The following UBE2E2 variants were observed in gnomAD, a reference collection of about 807,000 sequenced individuals.
UBE2E2 encodes the protein ubiquitin conjugating enzyme E2 E2.
A neutral mutation model predicts 24.7 loss-of-function variants in UBE2E2; 6 were observed. The ratio of observed to expected loss-of-function variants is 0.24; its 90% CI spans 0.13 to 0.48. The LOEUF (loss-of-function observed/expected upper bound fraction) is 0.48. Among genes scored for constraint, UBE2E2 ranks in the 20% least tolerant of loss-of-function variants. The pLI, the probability that UBE2E2 is intolerant of heterozygous loss-of-function variation, is 0.99. For synonymous variants in UBE2E2, 104 were observed against 83.6 expected (o/e 1.24, Z -1.33); for missense variants, 169 against 245.0 (o/e 0.69, Z 2.07).
Position 23,208,734 on chromosome 3 carries a change from C to T in UBE2E2, c.35C>T (p.Pro12Leu), listed in dbSNP as rs1696224967. The T allele has an allele frequency of 1.2e-6, 2 of 1,612,608 alleles. No homozygotes were observed. The highest frequency in any genetic ancestry group is 1.7e-6 in the Non-Finnish European group (2 of 1,179,430). ...STEAQRVDDS[P>L]STSGGSSDGD... ...GAGGCACAAAGAGTTGATGACAGTCCAAGCACTAGTGGAGGAAGTTCCGAT... is the reference window on the plus strand; with the variant it reads ...GAGGCACAAAGAGTTGATGACAGTCTAAGCACTAGTGGAGGAAGTTCCGAT... Residue 12 changes from proline to leucine, a missense_variant, in exon 2 of 6, where the codon CCA becomes CTA. Pro to Leu is a moderately conservative substitution (Grantham distance 98, BLOSUM62 -3). Transcript: ENST00000396703.
chr3:23,523,174 TAA>T lies in UBE2E2; in HGVS notation c.361-9378_361-9377del, dbSNP rs1694907975. ...ACATTCTATATAAACTGAATTTTTA[TAA>T]ATTGCAAAAGAAGGAATCTGTTTGC... is the stretch of plus-strand genomic sequence containing the variant. On this transcript the variant is annotated intron_variant, in intron 4 of 5. Transcript: ENST00000396703. Among the ~76,000 whole-genome samples the T allele has an allele frequency of 2.0e-5, 3 of 152,364 alleles. No homozygotes were observed. The East Asian group carries it at 5.8e-4, about 29-fold the overall frequency.
intron 5 of UBE2E2, among the ~76,000 whole-genome samples, chr3:23,578,705 T>C (rs1696400808): frequency 6.6e-6 from 1 of 152,128 alleles, no homozygotes; most frequent in African/African-American, 2.4e-5. Context: ...TGTTCTCACT[T>C]ATAAATGGGA....
intron 3 of UBE2E2, among the ~76,000 whole-genome samples, chr3:23,233,862 A>G (rs1327597845): frequency 3.3e-5 from 5 of 152,166 alleles, no homozygotes; most frequent in Non-Finnish European, 7.4e-5. Context: ...TGAATCACAG[A>G]TGGTATTTTG....
At position 23,208,924 on chromosome 3, in the gene UBE2E2, T is replaced by G. The variant is rs749087917; in HGVS notation, c.176+49T>G. 7.4e-6 allele frequency: 11 copies of G among 1,490,382 alleles called. 1 individual carries two copies. In the South Asian group the frequency reaches 1.5e-4, roughly 21 times the overall value. 92.3% of individuals were successfully genotyped at this position (1,490,382 alleles called of 1,614,324 possible). ...TTATTGTTGGTATCAATTTATCATC[T>G]TAAGTTCTATTTTTCTCTTGCATTT... On this transcript the variant is annotated intron_variant, in intron 2 of 5. Transcript: ENST00000396703.
At chr3:23,483,199 G>A (rs760667784) in intron 3 of UBE2E2, among the ~76,000 whole-genome samples, 1 of 152,172 alleles carries the variant, frequency 6.6e-6, no homozygotes, top group Non-Finnish European at 1.5e-5. Flanking sequence ...GAGCTTTTCA[G>A]TGCTCGTCTA....
chr3:23,441,538 C>CAAA (rs147766521), intron 3 of UBE2E2, among the ~76,000 whole-genome samples: 4 of 95,778 alleles, frequency 4.2e-5, no homozygotes, highest in African/African-American at 7.5e-5. Context: ...GACTCCGTCT[C>CAAA]AAAAAAAAAA....
At chr3:23,366,720 C>T (rs1248799861) in intron 3 of UBE2E2, among the ~76,000 whole-genome samples, 4 of 151,924 alleles carry the variant, frequency 2.6e-5, no homozygotes, top group Non-Finnish European at 5.9e-5. Flanking sequence ...CTGTGACATG[C>T]AATTTACCTG....
intron 3 of UBE2E2, among the ~76,000 whole-genome samples, chr3:23,255,470 T>C (rs1437015425): frequency 1.3e-5 from 2 of 152,176 alleles, no homozygotes; most frequent in African/African-American, 4.8e-5. Context: ...AAGTAAAAGA[T>C]ACAGGCTTAC....
chr3:23,293,098 C>T (rs1415304830), intron 3 of UBE2E2, among the ~76,000 whole-genome samples: 2 of 152,148 alleles, frequency 1.3e-5, no homozygotes, highest in Non-Finnish European at 2.9e-5. Context: ...AATTATGTAT[C>T]CTTTTTGTGG....
chr3:23,404,445 T>C (rs568235952), intron 3 of UBE2E2, among the ~76,000 whole-genome samples: 19 of 152,280 alleles, frequency 1.2e-4, no homozygotes, highest in African/African-American at 3.4e-4. Flanking sequence ...CCATAAACTC[T>C]TATCATTCTT....
chr3:23,261,922 T>A (rs190354216), intron 3 of UBE2E2, among the ~76,000 whole-genome samples: 4 of 152,362 alleles, frequency 2.6e-5, no homozygotes, highest in Admixed American at 2.6e-4. Context: ...TTGTGAATAA[T>A]GCTGCAGTTA....
At chr3:23,432,398 T>C (rs1698081618) in intron 3 of UBE2E2, among the ~76,000 whole-genome samples, 1 of 152,070 alleles carries the variant, frequency 6.6e-6, no homozygotes, top group South Asian at 2.1e-4. Context: ...GCATCAGCAT[T>C]TAAAAGCAAA....
intron 3 of UBE2E2, among the ~76,000 whole-genome samples, chr3:23,377,718 C>G (rs897243786): frequency 2.6e-5 from 4 of 152,212 alleles, no homozygotes; most frequent in African/African-American, 9.6e-5. Context: ...TTACTTTAAA[C>G]TTTTCAAGCC....
intron 3 of UBE2E2, among the ~76,000 whole-genome samples, chr3:23,261,375 A>T (rs959216499): frequency 6.6e-6 from 1 of 152,122 alleles, no homozygotes; most frequent in Non-Finnish European, 1.5e-5. Context: ...TGACATGGTG[A>T]TTTGATACAT....
intron 3 of UBE2E2, among the ~76,000 whole-genome samples, chr3:23,319,884 T>A (rs902773486): frequency 6.6e-6 from 1 of 152,090 alleles, no homozygotes; most frequent in African/African-American, 2.4e-5. Context: ...TATCCTCTTG[T>A]TGACAGATGG....
At chr3:23,587,854 G>T (rs1023338869) in intron 5 of UBE2E2, among the ~76,000 whole-genome samples, 1 of 152,206 alleles carries the variant, frequency 6.6e-6, no homozygotes, top group Non-Finnish European at 1.5e-5. Context: ...ACAAAGAGTA[G>T]GCAGAGAGGC....
intron 4 of UBE2E2, among the ~76,000 whole-genome samples, chr3:23,515,260 T>C (rs1426224313): frequency 6.6e-6 from 1 of 152,070 alleles, no homozygotes; most frequent in African/African-American, 2.4e-5. Flanking sequence ...AGGTTTGAAT[T>C]TTTTTAATAA....
chr3:23,317,564 G>A (rs1346193049), intron 3 of UBE2E2, among the ~76,000 whole-genome samples: 1 of 152,182 alleles, frequency 6.6e-6, no homozygotes, highest in African/African-American at 2.4e-5. Flanking sequence ...AGTTCCGCAT[G>A]GCTGGGAAGC....
At chr3:23,282,212 G>C (rs1175376592) in intron 3 of UBE2E2, among the ~76,000 whole-genome samples, 2 of 152,178 alleles carry the variant, frequency 1.3e-5, no homozygotes, top group African/African-American at 4.8e-5. Flanking sequence ...CAGTATTGGA[G>C]CCTCTGGGAA....
Sources: allele counts gnomAD v4.1 joint callset (sites outside exome capture counted in the v4.1 genomes callset), GRCh38; gene constraint gnomAD v4.1.1; transcripts MANE v1.5; gene names NCBI Gene and HGNC (gene_info 2026-07-23, HGNC 2026-07-21).